Variants in RPS6KA2 observed in about 807,000 individuals in gnomAD.
The protein encoded by RPS6KA2 is ribosomal protein S6 kinase A2, also known as ribosomal protein S6 kinase alpha-2.
RPS6KA2 carries 42 observed loss-of-function variants against 91.8 expected under a neutral mutation model. That is an observed-to-expected ratio of 0.46 (90% CI 0.36 to 0.59). The LOEUF (loss-of-function observed/expected upper bound fraction) is 0.59. Ranked by LOEUF, RPS6KA2 falls within the 20% of genes least tolerant of loss-of-function variation. The pLI is 0.00. For synonymous variants in RPS6KA2, 414 were observed against 393.6 expected, an observed-to-expected ratio of 1.05 and a Z score of -0.61; for missense variants, 798 against 978.5, an observed-to-expected ratio of 0.82 and a Z score of 2.46.
In RPS6KA2 at chr6:166,801,978, C is replaced by T. The variant is rs535680097; in HGVS notation, c.123+56222G>A. Among the ~76,000 whole-genome samples, 4 of 152,198 alleles carry T rather than the reference C, an allele frequency of 2.6e-5. No individual in the cohort carries two copies. The South Asian group carries it at 8.3e-4, about 32-fold the overall frequency. Reference sequence around the variant, plus strand: ...AAAAATTTTTAAATCCCTCCCTAGGCCGGGCGTGGTGGCTCACACCTGTAA... The same window carrying T: ...AAAAATTTTTAAATCCCTCCCTAGGTCGGGCGTGGTGGCTCACACCTGTAA... On this transcript the variant is annotated intron_variant, in intron 2 of 21. Transcript: ENST00000503859.
chr6:166,770,817 C>A lies in RPS6KA2; in HGVS notation c.123+87383G>T. 6.6e-7 allele frequency: 1 copy of A among 1,517,008 alleles called. No homozygotes were observed. The highest frequency in any genetic ancestry group is 8.8e-7 in the Non-Finnish European group (1 of 1,133,466). 94.0% of individuals were successfully genotyped at this position (1,517,008 alleles called of 1,614,324 possible). A position where few individuals can be genotyped will look rare whatever the true frequency, so the allele number is the denominator to read the frequency against. On this transcript the variant is annotated intron_variant, in intron 2 of 21. Transcript: ENST00000503859. This position sits in a 1 kb window ranked among gnomAD's most constrained non-coding sequence, Gnocchi z 5.1. ...TGTTTAACTTAAAAAAAAAATGTAA[C>A]TCACATAAGCATGGAAAAAAACAAA... is the stretch of plus-strand genomic sequence containing the variant.
chr6:166,676,722 T>C (rs1166362162), intron 2 of RPS6KA2, among the ~76,000 whole-genome samples: 1 of 152,238 alleles, frequency 6.6e-6, no homozygotes, highest in African/African-American at 2.4e-5. Flanking sequence ...CCACAGCACT[T>C]ACCACACTCT....
At chr6:166,797,541 G>A (rs1779257276) in intron 2 of RPS6KA2, among the ~76,000 whole-genome samples, 2 of 152,108 alleles carry the variant, frequency 1.3e-5, no homozygotes, top group Admixed American at 1.3e-4. Flanking sequence ...GGTAACTAGA[G>A]AAAAGAAAAT....
chr6:166,450,784 C>A (rs1029292941), intron 13 of RPS6KA2, among the ~76,000 whole-genome samples: 69 of 151,874 alleles, frequency 4.5e-4, no homozygotes, highest in Non-Finnish European at 4.4e-4. Context: ...CAGGAGGCCA[C>A]CATGGGAGTA....
At chr6:166,812,631 A>T (rs922517963) in intron 2 of RPS6KA2, among the ~76,000 whole-genome samples, 2 of 152,120 alleles carry the variant, frequency 1.3e-5, no homozygotes, top group African/African-American at 4.8e-5. Flanking sequence ...CGTGGCCTCA[A>T]GCTCCCGCTC....
intron 1 of RPS6KA2, among the ~76,000 whole-genome samples, chr6:166,575,332 G>T (rs147604430): frequency 6.6e-6 from 1 of 152,174 alleles, no homozygotes; most frequent in African/African-American, 2.4e-5. Flanking sequence ...AGAAGTGTAC[G>T]GAGAACTATT....
At chr6:166,480,514 T>TATATATATATATAAATAA (rs1554279395) in intron 10 of RPS6KA2, among the ~76,000 whole-genome samples, 1 of 110,762 alleles carries the variant, frequency 9.0e-6, no homozygotes, top group African/African-American at 3.9e-5. Context: ...TATATATATA[T>TATATATATATATAAATAA]AATATATTTT....
chr6:166,672,942 G>C (rs1352006112), intron 2 of RPS6KA2, among the ~76,000 whole-genome samples: 1 of 152,200 alleles, frequency 6.6e-6, no homozygotes, highest in African/African-American at 2.4e-5. Context: ...TTGGAGCGTG[G>C]GTTTGATGTT....
At chr6:166,571,884 T>C (rs1022997478) in intron 1 of RPS6KA2, among the ~76,000 whole-genome samples, 1 of 152,062 alleles carries the variant, frequency 6.6e-6, no homozygotes, top group Admixed American at 6.5e-5. Context: ...TGGAAAAAAA[T>C]CAGAGCCAGG....
chr6:166,588,957 G>C (rs1283502313), intron 1 of RPS6KA2, among the ~76,000 whole-genome samples: 1 of 152,224 alleles, frequency 6.6e-6, no homozygotes, highest in Non-Finnish European at 1.5e-5. Flanking sequence ...AAATTGGGGG[G>C]AGGAGGAGTG....
At chr6:166,616,335 C>A (rs1786410154) in intron 1 of RPS6KA2, among the ~76,000 whole-genome samples, 1 of 152,162 alleles carries the variant, frequency 6.6e-6, no homozygotes, top group Non-Finnish European at 1.5e-5. Context: ...AGCCCCAACC[C>A]CGACGCATGG....
chr6:166,527,972 C>T (rs927152961), intron 3 of RPS6KA2, among the ~76,000 whole-genome samples: 10 of 152,182 alleles, frequency 6.6e-5, no homozygotes, highest in Admixed American at 4.6e-4. Context: ...TGAGCTCTTT[C>T]CCTTTTTTGG....
At chr6:166,753,152 A>T (rs1777900167) in intron 2 of RPS6KA2, among the ~76,000 whole-genome samples, 1 of 152,186 alleles carries the variant, frequency 6.6e-6, no homozygotes, top group Non-Finnish European at 1.5e-5. Flanking sequence ...CTTAAGCCAG[A>T]TGTAGGGCTC....
rs183332743 is a variant in RPS6KA2, at chr6:166,766,869, C to T, written c.123+91331G>A. ...CTGGTATTTCCTTTTGCTGCCACCCCTGTTCTGGAAGCTTCCCTTGGCACC... is the reference window on the plus strand; with the variant it reads ...CTGGTATTTCCTTTTGCTGCCACCCTTGTTCTGGAAGCTTCCCTTGGCACC... On this transcript the variant is annotated intron_variant, in intron 2 of 21. Transcript: ENST00000503859. Among the ~76,000 whole-genome samples the T allele has an allele frequency of 2.6e-3, 392 of 152,372 alleles. 7 individuals are homozygous for T. The Middle Eastern group carries it at 0.031, about 12-fold the overall frequency.
chr6:166,660,485 T>C (rs1788134948), intron 2 of RPS6KA2, among the ~76,000 whole-genome samples: 1 of 152,110 alleles, frequency 6.6e-6, no homozygotes, highest in Non-Finnish European at 1.5e-5. Context: ...TGTCTGCCTG[T>C]CACACAAGAC....
intron 2 of RPS6KA2, among the ~76,000 whole-genome samples, chr6:166,643,294 A>T (rs1194698695): frequency 6.6e-6 from 1 of 152,248 alleles, no homozygotes; most frequent in Non-Finnish European, 1.5e-5. Context: ...TAGTTAAAAG[A>T]CAAAGAGTGC....
intron 2 of RPS6KA2, among the ~76,000 whole-genome samples, chr6:166,718,649 C>T (rs1164466826): frequency 1.3e-5 from 2 of 152,156 alleles, no homozygotes; most frequent in African/African-American, 4.8e-5. Context: ...TGAGGACATG[C>T]ACCCGAGAAA....
At chr6:166,815,490 T>C (rs1418165062) in intron 2 of RPS6KA2, among the ~76,000 whole-genome samples, 3 of 152,206 alleles carry the variant, frequency 2.0e-5, no homozygotes, top group Non-Finnish European at 2.9e-5. Flanking sequence ...ACTACTGACA[T>C]CTAAATTCAG....
chr6:166,487,464 A>C (rs1222193053), intron 10 of RPS6KA2, among the ~76,000 whole-genome samples: 1 of 152,182 alleles, frequency 6.6e-6, no homozygotes, highest in African/African-American at 2.4e-5. Flanking sequence ...GTTGTGTGGA[A>C]GAATGAAAAC....
Sources: allele counts gnomAD v4.1 joint callset (sites outside exome capture counted in the v4.1 genomes callset), GRCh38; gene constraint gnomAD v4.1.1; non-coding constraint Gnocchi (gnomAD v3.1); transcripts MANE v1.5; gene names NCBI Gene and HGNC (gene_info 2026-07-23, HGNC 2026-07-21).